FAM135B: variants seen among roughly 807,000 people sequenced by gnomAD.
FAM135B encodes family with sequence similarity 135 member B.
FAM135B carries 43 observed loss-of-function variants against 127.7 expected under a neutral mutation model. The ratio of observed to expected loss-of-function variants is 0.34; its 90% CI spans 0.26 to 0.43. The LOEUF (loss-of-function observed/expected upper bound fraction) is 0.43, where lower values mean the gene tolerates loss of function less well. FAM135B is among the 20% of genes least tolerant of loss of function. The pLI is 1.00. For missense variants in FAM135B, 1,558 were observed against 1,725.6 expected, an observed-to-expected ratio of 0.90 and a Z score of 1.72; for synonymous variants, 670 against 665.1, an observed-to-expected ratio of 1.01 and a Z score of -0.11.
At chr8:138,184,200 T>G (rs547726073) in intron 9 of FAM135B, among the ~76,000 whole-genome samples, 1 of 152,260 alleles carries the variant, frequency 6.6e-6, no homozygotes, top group East Asian at 1.9e-4. Flanking sequence ...TGCAGAAAGA[T>G]ACTGTTTTTG....
At chr8:138,173,269 T>C (rs1814089743) in intron 11 of FAM135B, among the ~76,000 whole-genome samples, 1 of 152,174 alleles carries the variant, frequency 6.6e-6, no homozygotes, top group Non-Finnish European at 1.5e-5. Flanking sequence ...ACTCCAGGAA[T>C]ACAGAGCGAA....
intron 1 of FAM135B, among the ~76,000 whole-genome samples, chr8:138,396,500 C>T (rs1473586475): frequency 6.6e-6 from 1 of 152,150 alleles, no homozygotes; most frequent in Non-Finnish European, 1.5e-5. Context: ...TCACTCTGTC[C>T]TTCCTCCTGG....
At chr8:138,170,357 G>T (rs1007739482) in intron 11 of FAM135B, among the ~76,000 whole-genome samples, 2 of 151,822 alleles carry the variant, frequency 1.3e-5, no homozygotes, top group African/African-American at 4.8e-5. Context: ...CAAGTAGCTG[G>T]GATTACAGGC....
At chr8:138,437,217 T>C (rs1835503937) in intron 1 of FAM135B, 1 of 152,240 alleles carries the variant, frequency 6.6e-6, no homozygotes, top group African/African-American at 2.4e-5. Context: ...AAGAAGAATA[T>C]AGACACAGCA....
At chr8:138,136,884 T>A (rs1022114200) in intron 19 of FAM135B, among the ~76,000 whole-genome samples, 1 of 152,304 alleles carries the variant, frequency 6.6e-6, no homozygotes, top group South Asian at 2.1e-4. Flanking sequence ...GAATTATACA[T>A]CCCAGTCATC....
At chr8:138,314,365 A>T (rs999435139) in intron 2 of FAM135B, among the ~76,000 whole-genome samples, 1 of 152,166 alleles carries the variant, frequency 6.6e-6, no homozygotes, top group African/African-American at 2.4e-5. Context: ...ACTACTGTAA[A>T]TATTGAGAAT....
chr8:138,220,312 A>C (rs1459738794), intron 7 of FAM135B, among the ~76,000 whole-genome samples: 1 of 152,052 alleles, frequency 6.6e-6, no homozygotes, highest in Non-Finnish European at 1.5e-5. Flanking sequence ...TGTAATTCAA[A>C]TGTCACTCTA....
At chr8:138,309,939 G>A (rs925024794) in intron 3 of FAM135B, among the ~76,000 whole-genome samples, 8 of 136,708 alleles carry the variant, frequency 5.9e-5, no homozygotes, top group African/African-American at 2.2e-4. Flanking sequence ...GCACAATCTT[G>A]GCTCACTGCC....
intron 12 of FAM135B, among the ~76,000 whole-genome samples, chr8:138,155,731 C>A (rs12547914): frequency 0.69 from 105,538 of 152,018 alleles, 36,668 homozygotes; most frequent in East Asian, 0.77. Context: ...GGATCAATTC[C>A]ACAAGAAGAT....
intron 7 of FAM135B, among the ~76,000 whole-genome samples, chr8:138,210,407 T>C (rs1818047933): frequency 6.6e-6 from 1 of 152,138 alleles, no homozygotes; most frequent in Non-Finnish European, 1.5e-5. Flanking sequence ...TGCATTGCTA[T>C]AACAAACTCC....
At chr8:138,291,881 A>C (rs1825140543) in intron 3 of FAM135B, among the ~76,000 whole-genome samples, 1 of 152,202 alleles carries the variant, frequency 6.6e-6, no homozygotes, top group African/African-American at 2.4e-5. Context: ...AAGGGTGTCC[A>C]TTATTACCAC....
intron 11 of FAM135B, among the ~76,000 whole-genome samples, chr8:138,171,015 G>A (rs898816801): frequency 2.6e-5 from 4 of 152,086 alleles, no homozygotes; most frequent in East Asian, 1.9e-4. Context: ...CACTCCATGC[G>A]CTCCCAGGCC....
intron 1 of FAM135B, among the ~76,000 whole-genome samples, chr8:138,460,012 A>G (rs1837034794): frequency 6.6e-6 from 1 of 152,210 alleles, no homozygotes; most frequent in African/African-American, 2.4e-5. Flanking sequence ...GATTTAATAT[A>G]TGCAAAAGCA....
intron 13 of FAM135B, 67 bp from the exon 14 acceptor site, chr8:138,148,753 G>C (rs999187835): frequency 4.6e-6 from 6 of 1,294,430 alleles, no homozygotes; most frequent in Non-Finnish European, 5.4e-6. Context: ...AATGAGCTGG[G>C]CTGGTATGTA....
intron 7 of FAM135B, among the ~76,000 whole-genome samples, chr8:138,229,644 A>G (rs1819757338): frequency 6.6e-6 from 1 of 152,084 alleles, no homozygotes; most frequent in Non-Finnish European, 1.5e-5. Context: ...TTTAACACAC[A>G]CCTTCTGTAT....
chr8:138,228,809 C>A (rs1369231597), intron 7 of FAM135B, among the ~76,000 whole-genome samples: 1 of 126,044 alleles, frequency 7.9e-6, no homozygotes, highest in Admixed American at 7.9e-5. Context: ...AGTGCAAGGC[C>A]CTGATGCCCC....
At chr8:138,362,702 T>G (rs1055742549) in intron 2 of FAM135B, among the ~76,000 whole-genome samples, 4 of 152,230 alleles carry the variant, frequency 2.6e-5, no homozygotes, top group Non-Finnish European at 5.9e-5. Flanking sequence ...ATGGTACGAT[T>G]ACTTATTATT....
At chr8:138,150,348 AAG>A (rs1288075419) in intron 13 of FAM135B, among the ~76,000 whole-genome samples, 8 of 152,216 alleles carry the variant, frequency 5.3e-5, no homozygotes, top group Non-Finnish European at 1.0e-4. Flanking sequence ...TGATATTCAT[AAG>A]AGAGTTATAA....
chr8:138,405,583 T>C (rs1217276516), intron 1 of FAM135B, among the ~76,000 whole-genome samples: 5 of 151,994 alleles, frequency 3.3e-5, no homozygotes, highest in Admixed American at 2.6e-4. Flanking sequence ...ATGGTGTATA[T>C]GTGCCACATT....
Sources: allele counts gnomAD v4.1 joint callset (sites outside exome capture counted in the v4.1 genomes callset), GRCh38; gene constraint gnomAD v4.1.1; transcripts MANE v1.5; gene names NCBI Gene and HGNC (gene_info 2026-07-23, HGNC 2026-07-21).